ARL6IP6: variants seen among roughly 807,000 people sequenced by gnomAD.
ARL6IP6 encodes ARF like GTPase 6 interacting protein 6.
Under a neutral mutation model 21.5 loss-of-function variants are expected in ARL6IP6, and 22 were observed. The observed-to-expected ratio is 1.02, with a 90% confidence interval of 0.73 to 1.46. The LOEUF (loss-of-function observed/expected upper bound fraction) is 1.46, where lower values mean the gene tolerates loss of function less well. Ranked by LOEUF, ARL6IP6 falls within the 40% of genes most tolerant of loss-of-function variation. The probability of loss-of-function intolerance (pLI) is 0.00; values close to 1 mark genes in which losing one functional copy is unlikely to be tolerated. For missense variants in ARL6IP6, 388 were observed against 299.8 expected, an observed-to-expected ratio of 1.29 and a Z score of -2.17; for synonymous variants, 164 against 125.3, an observed-to-expected ratio of 1.31 and a Z score of -2.06.
Position 152,749,135 on chromosome 2 carries a change from T to C in ARL6IP6, c.588-10612T>C, listed in dbSNP as rs906135137. Among the ~76,000 whole-genome samples, 4 of 152,150 alleles carry C rather than the reference T, an allele frequency of 2.6e-5. No individual in the cohort carries two copies. In the South Asian group the frequency reaches 8.3e-4, roughly 31 times the overall value. On this transcript the variant is annotated intron_variant, in intron 3 of 3. Coordinates refer to ENST00000326446, the MANE Select transcript of ARL6IP6 (RefSeq NM_152522.7). ...AAAAATGAAAATAATTATAATTCTT[T>C]TATAATATATTCACTTTGCAAGTTA...
chr2:152,731,475 A>G (rs866351403), intron 2 of ARL6IP6, among the ~76,000 whole-genome samples: 2 of 151,834 alleles, frequency 1.3e-5, no homozygotes, highest in South Asian at 4.2e-4. Flanking sequence ...AGGGTTCTCA[A>G]CTCTTCCTGT....
intron 3 of ARL6IP6, among the ~76,000 whole-genome samples, chr2:152,754,086 C>T (rs1386861028): frequency 6.6e-6 from 1 of 150,982 alleles, no homozygotes; most frequent in East Asian, 1.9e-4. Flanking sequence ...TAAAACTTTA[C>T]TCTTAAAATG....
chr2:152,719,116 A>G (rs1234443267), intron 1 of ARL6IP6, 92 bp downstream of exon 1: 1 of 1,371,222 alleles, frequency 7.3e-7, no homozygotes, highest in Non-Finnish European at 9.6e-7. Flanking sequence ...CCCTCGCGCT[A>G]AGCCCTCAGG....
At chr2:152,727,923 A>C (rs1012154476) in intron 2 of ARL6IP6, among the ~76,000 whole-genome samples, 1 of 152,212 alleles carries the variant, frequency 6.6e-6, no homozygotes, top group African/African-American at 2.4e-5. Flanking sequence ...CATAAAATGC[A>C]TTAGTTACGT....
chr2:152,750,068 T>C (rs946900515), intron 3 of ARL6IP6, among the ~76,000 whole-genome samples: 9 of 152,250 alleles, frequency 5.9e-5, no homozygotes, highest in African/African-American at 2.2e-4. Context: ...ATCATTGTTC[T>C]AGTTTTAAGT....
chr2:152,738,214 G>C (rs1700638442), intron 3 of ARL6IP6, among the ~76,000 whole-genome samples: 1 of 152,194 alleles, frequency 6.6e-6, no homozygotes, highest in African/African-American at 2.4e-5. Flanking sequence ...CCATGATGTT[G>C]GGCAGCTCTG....
intron 2 of ARL6IP6, among the ~76,000 whole-genome samples, chr2:152,725,599 C>A (rs751108278): frequency 1.2e-4 from 18 of 151,684 alleles, no homozygotes; most frequent in Non-Finnish European, 2.4e-4. Flanking sequence ...CAAAATAAGC[C>A]ATGAAAGGCT....
chr2:152,729,023 A>G (rs1700174832), intron 2 of ARL6IP6, among the ~76,000 whole-genome samples: 1 of 149,078 alleles, frequency 6.7e-6, no homozygotes, highest in African/African-American at 2.5e-5. Flanking sequence ...GCGCCACTGC[A>G]CTCAGCCTGG....
intron 2 of ARL6IP6, among the ~76,000 whole-genome samples, chr2:152,722,731 C>T (rs569340072): frequency 2.7e-4 from 41 of 152,182 alleles, no homozygotes; most frequent in South Asian, 1.0e-3. Flanking sequence ...GGTGAAACCC[C>T]GCCTTTACTA....
At chr2:152,727,480 T>C (rs748198991) in intron 2 of ARL6IP6, among the ~76,000 whole-genome samples, 2 of 152,206 alleles carry the variant, frequency 1.3e-5, no homozygotes, top group Non-Finnish European at 2.9e-5. Context: ...TAGTCTATTG[T>C]AGTGGACAGT....
At chr2:152,720,797 A>C (rs1210433428) in intron 2 of ARL6IP6, among the ~76,000 whole-genome samples, 1 of 152,132 alleles carries the variant, frequency 6.6e-6, no homozygotes, top group Non-Finnish European at 1.5e-5. Flanking sequence ...GTTTGCTATA[A>C]TTTTTTAATG....
chr2:152,741,466 A>G (rs1254394568), intron 3 of ARL6IP6, among the ~76,000 whole-genome samples: 3 of 151,892 alleles, frequency 2.0e-5, no homozygotes, highest in African/African-American at 2.4e-5. Flanking sequence ...TACTGTGACT[A>G]TCAATTGTGT....
At chr2:152,725,398 G>A (rs7608603) in intron 2 of ARL6IP6, among the ~76,000 whole-genome samples, 103,701 of 151,880 alleles carry the variant, frequency 0.68, 35,627 homozygotes, top group African/African-American at 0.72. Context: ...TCTTTTATGA[G>A]GTCTGCATCC....
chr2:152,729,111 C>A (rs1212842328), intron 2 of ARL6IP6, among the ~76,000 whole-genome samples: 1 of 151,890 alleles, frequency 6.6e-6, no homozygotes, highest in Non-Finnish European at 1.5e-5. Context: ...GTTGCTCACG[C>A]CTGTAATCCC....
chr2:152,729,827 A>G (rs1266968807), intron 2 of ARL6IP6, among the ~76,000 whole-genome samples: 1 of 152,220 alleles, frequency 6.6e-6, no homozygotes, highest in Non-Finnish European at 1.5e-5. Context: ...TGAAATTGGC[A>G]AACTGAGGAA....
At position 152,759,959 on chromosome 2, in the gene ARL6IP6, ATATT is replaced by A. The variant is rs1701760376; in HGVS notation, c.*123_*126del. On this transcript the variant is annotated 3_prime_UTR_variant, in exon 4 of 4. Transcript: ENST00000326446. ...ACCTGCTGTTCATTATGTAGTTCAG[ATATT>A]TATCACAATCATCCTCATTATGGAA... 1.3e-6 allele frequency: 1 copy of A among 777,358 alleles called. No homozygotes were observed. Among genetic ancestry groups the A allele is most frequent in the South Asian group, 1.6e-5 (1 of 62,894 alleles). 48.2% of individuals were successfully genotyped at this position (777,358 alleles called of 1,614,324 possible). A position where few individuals can be genotyped will look rare whatever the true frequency, so the allele number is the denominator to read the frequency against.
At chr2:152,718,391 TGCTCCCCTTTCCG>T (rs1699338744), upstream of ARL6IP6, 1 of 489,920 alleles carries the variant, frequency 2.0e-6, no homozygotes, top group South Asian at 7.0e-5. Flanking sequence ...CGCGCTTTCC[TGCTCCCCTTTCCG>T]GCTACAGCCC....
At chr2:152,742,572 A>T (rs1172021918) in intron 3 of ARL6IP6, among the ~76,000 whole-genome samples, 4 of 81,892 alleles carry the variant, frequency 4.9e-5, no homozygotes, top group Non-Finnish European at 1.2e-4. Flanking sequence ...ACGCTCTTTA[A>T]AAAAAAAAAA....
chr2:152,736,627 C>CT (rs1457046228), intron 3 of ARL6IP6, among the ~76,000 whole-genome samples: 1 of 152,176 alleles, frequency 6.6e-6, no homozygotes, highest in Non-Finnish European at 1.5e-5. Context: ...CTTCTGTCCT[C>CT]TAAGTTCTCA....
Sources: allele counts gnomAD v4.1 joint callset (sites outside exome capture counted in the v4.1 genomes callset), GRCh38; gene constraint gnomAD v4.1.1; transcripts MANE v1.5; gene names NCBI Gene and HGNC (gene_info 2026-07-23, HGNC 2026-07-21).